The following CLVS1 variants were observed in gnomAD, a reference collection of about 807,000 sequenced individuals.
CLVS1 encodes clavesin 1.
CLVS1 carries 10 observed loss-of-function variants against 33.1 expected under a neutral mutation model. That is an observed-to-expected ratio of 0.30 (90% CI 0.19 to 0.51). The LOEUF is 0.51. Among genes scored for constraint, CLVS1 ranks in the 20% least tolerant of loss-of-function variants. The pLI is 0.97. For synonymous variants in CLVS1, 163 were observed against 166.1 expected, an observed-to-expected ratio of 0.98 and a Z score of 0.14; for missense variants, 343 against 433.4, an observed-to-expected ratio of 0.79 and a Z score of 1.85.
At chr8:61,235,267 A>G (rs1431187420) in intron 2 of CLVS1, among the ~76,000 whole-genome samples, 1 of 152,226 alleles carries the variant, frequency 6.6e-6, no homozygotes, top group African/African-American at 2.4e-5. Context: ...AAAAGTGACC[A>G]GAGAAAGTAC....
chr8:61,001,616 A>G, the CLVS1 span, among the ~76,000 whole-genome samples: 1 of 152,262 alleles, frequency 6.6e-6, no homozygotes, highest in Non-Finnish European at 1.5e-5. Flanking sequence ...CTTACTGCAG[A>G]GTAGTTTCCC....
chr8:61,090,741 T>C (rs1166539515), intron 1 of CLVS1, among the ~76,000 whole-genome samples: 1 of 152,200 alleles, frequency 6.6e-6, no homozygotes, highest in African/African-American at 2.4e-5. Flanking sequence ...TTTTGGAGCA[T>C]AAAACTTGTT....
intron 2 of CLVS1, among the ~76,000 whole-genome samples, chr8:61,354,347 T>C (rs1812597236): frequency 6.6e-6 from 1 of 152,054 alleles, no homozygotes; most frequent in Non-Finnish European, 1.5e-5. Flanking sequence ...GAAACTGGAT[T>C]ACTCATCAAG....
intron 2 of CLVS1, among the ~76,000 whole-genome samples, chr8:61,137,559 C>A (rs1014379658): frequency 1.3e-5 from 2 of 152,154 alleles, no homozygotes; most frequent in African/African-American, 4.8e-5. Flanking sequence ...TATTATACTT[C>A]CCCAGTCTCC....
chr8:61,373,140 G>A (rs1053347204), intron 2 of CLVS1, among the ~76,000 whole-genome samples: 1 of 152,150 alleles, frequency 6.6e-6, no homozygotes, highest in Non-Finnish European at 1.5e-5. Flanking sequence ...AAGTCAAAGG[G>A]TGTTATAAAA....
At chr8:61,257,737 C>T (rs1809116504) in intron 2 of CLVS1, among the ~76,000 whole-genome samples, 1 of 152,096 alleles carries the variant, frequency 6.6e-6, no homozygotes, top group Admixed American at 6.5e-5. Context: ...AATAAGTAGG[C>T]TGGGCTTCAT....
intron 3 of CLVS1, among the ~76,000 whole-genome samples, chr8:61,396,105 G>T (rs567665283): frequency 1.3e-5 from 2 of 151,946 alleles, no homozygotes; most frequent in Admixed American, 1.3e-4. Context: ...ATTTTAAAAC[G>T]TTCCATCCTT....
At chr8:61,289,295 G>A (rs536940204) in intron 1 of CLVS1, among the ~76,000 whole-genome samples, 7 of 152,166 alleles carry the variant, frequency 4.6e-5, no homozygotes, top group Non-Finnish European at 7.3e-5. Flanking sequence ...CTTTTAGAGT[G>A]CTATCATTTT....
intron 2 of CLVS1, among the ~76,000 whole-genome samples, chr8:61,230,527 A>G (rs954189190): frequency 2.3e-4 from 35 of 152,250 alleles, no homozygotes; most frequent in Non-Finnish European, 3.2e-4. Flanking sequence ...GAGCACAAGA[A>G]GTATCTTTTT....
Position 61,376,781 on chromosome 8 carries a change from TATGTTCAATGA to T in CLVS1, c.630+6_630+16del. 3 of 1,613,102 alleles carry T rather than the reference TATGTTCAATGA, an allele frequency of 1.9e-6. No individual in the cohort carries two copies. Among genetic ancestry groups the T allele is most frequent in the Non-Finnish European group, 2.5e-6 (3 of 1,179,302 alleles). On this transcript the variant is annotated splice_donor_5th_base_variant and intron_variant, in intron 3 of 5. Coordinates refer to ENST00000325897, the MANE Select transcript of CLVS1 (RefSeq NM_173519.3). ...AAACTGGCCATTGAAGGGTTGCAGG[TATGTTCAATGA>T]ATGCGCAATACAAGACCATGTGTGG...
At chr8:60,986,216 T>C in the CLVS1 span, among the ~76,000 whole-genome samples, 2 of 152,260 alleles carry the variant, frequency 1.3e-5, no homozygotes, top group Non-Finnish European at 2.9e-5. Flanking sequence ...ACTTTGTTTC[T>C]ACTAGAATGT....
At chr8:61,413,833 C>T (rs979207291) in intron 3 of CLVS1, among the ~76,000 whole-genome samples, 2 of 152,188 alleles carry the variant, frequency 1.3e-5, no homozygotes, top group South Asian at 2.1e-4. Flanking sequence ...TCTAAGGATA[C>T]GTTCAAGGTA....
At chr8:61,113,912 G>A (rs1007781472) in intron 1 of CLVS1, among the ~76,000 whole-genome samples, 1 of 152,216 alleles carries the variant, frequency 6.6e-6, no homozygotes, top group African/African-American at 2.4e-5. Flanking sequence ...GGGATTGCAG[G>A]CTGAGCCACT....
chr8:60,968,514 CAAA>C, the CLVS1 span, among the ~76,000 whole-genome samples: 3 of 128,168 alleles, frequency 2.3e-5, no homozygotes, highest in African/African-American at 2.9e-5. Context: ...GACTCCGTTT[CAAA>C]AAAAAAAAAA....
intron 2 of CLVS1, among the ~76,000 whole-genome samples, chr8:61,362,723 G>A (rs927917100): frequency 1.3e-5 from 2 of 152,260 alleles, no homozygotes; most frequent in East Asian, 1.9e-4. Context: ...AAAGATTCCT[G>A]TTAGCTCTCC....
intron 2 of CLVS1, chr8:61,202,337 CGT>C: frequency 1.4e-6 from 1 of 721,020 alleles, no homozygotes; most frequent in South Asian, 1.5e-5. Context: ...TACCTAAGTG[CGT>C]GCTGCCTCCC....
chr8:61,095,483 C>A (rs1233954213), intron 1 of CLVS1, among the ~76,000 whole-genome samples: 1 of 152,132 alleles, frequency 6.6e-6, no homozygotes, highest in East Asian at 1.9e-4. Flanking sequence ...CTAGGAGGTG[C>A]TGGGTAGGCA....
intron 2 of CLVS1, among the ~76,000 whole-genome samples, chr8:61,177,030 C>G (rs561392156): frequency 2.8e-5 from 4 of 143,936 alleles, no homozygotes; most frequent in African/African-American, 1.0e-4. Context: ...GCAGCCAACA[C>G]TGGGGCTGCT....
At chr8:61,443,045 T>C (rs1396680310) in intron 3 of CLVS1, among the ~76,000 whole-genome samples, 2 of 152,222 alleles carry the variant, frequency 1.3e-5, no homozygotes, top group South Asian at 2.1e-4. Context: ...TTTGGTAAAA[T>C]TTTCTGGCAT....
Sources: gnomAD v4.1 joint callset for allele counts (sites outside exome capture counted in the v4.1 genomes callset) on GRCh38, gnomAD v4.1.1 for gene constraint, MANE v1.5 for transcripts, NCBI Gene and HGNC (gene_info 2026-07-23, HGNC 2026-07-21) for gene names.